The following ZDHHC15 variants were observed in gnomAD, a reference collection of about 807,000 sequenced individuals.
The protein encoded by ZDHHC15 is zDHHC palmitoyltransferase 15.
In ZDHHC15, 19 loss-of-function variants were observed where a neutral mutation model predicts 31.7. That is an observed-to-expected ratio of 0.60 (90% CI 0.42 to 0.88). The LOEUF (loss-of-function observed/expected upper bound fraction) is 0.88. ZDHHC15 is among the 40% of genes least tolerant of loss of function. The probability of loss-of-function intolerance (pLI) is 0.00; values close to 1 mark genes in which losing one functional copy is unlikely to be tolerated. For missense variants in ZDHHC15, 209 were observed against 251.2 expected (o/e 0.83, Z 1.14); for synonymous variants, 103 against 90.0 (o/e 1.14, Z -0.82).
chrX:75,374,628 T>C (rs2083037796), intron 11 of ZDHHC15, among the ~76,000 whole-genome samples: 1 of 108,954 alleles, frequency 9.2e-6, no homozygotes, highest in East Asian at 2.9e-4. Context: ...ACACTTCTGA[T>C]ATCCATTAAT....
intron 9 of ZDHHC15, among the ~76,000 whole-genome samples, chrX:75,421,041 A>G (rs1243825556): frequency 1.8e-5 from 2 of 109,645 alleles, no homozygotes; most frequent in Non-Finnish European, 3.8e-5. Flanking sequence ...TAACCACAAA[A>G]TATATAAAAT....
At chrX:75,446,321 C>T (rs909732910) in intron 4 of ZDHHC15, among the ~76,000 whole-genome samples, 2 of 111,266 alleles carry the variant, frequency 1.8e-5, no homozygotes, top group African/African-American at 6.5e-5. Flanking sequence ...GATGGAAATG[C>T]TGGACCTGCC....
At chrX:75,522,277 G>C (rs761296994) in intron 1 of ZDHHC15, among the ~76,000 whole-genome samples, 1 of 112,034 alleles carries the variant, frequency 8.9e-6, no homozygotes, top group African/African-American at 3.2e-5. Flanking sequence ...GTAGAATAGG[G>C]TGCACTGTGG....
chrX:75,519,344 G>A lies in ZDHHC15; in HGVS notation c.136+3545C>T, dbSNP rs1376185078. Among the ~76,000 whole-genome samples the A allele has an allele frequency of 2.2e-4, 24 of 111,291 alleles. No homozygotes were observed. In the Admixed American group the frequency reaches 2.3e-3, roughly 11 times the overall value. ...ATCTAATGAGCTCTTATAATGTGTT[G>A]TGAACTGTGATGCATGCTTTTCAGG... On this transcript the variant is annotated intron_variant, in intron 1 of 11. Coordinates refer to ENST00000373367, the MANE Select transcript of ZDHHC15 (RefSeq NM_144969.3).
chrX:75,373,340 C>A (rs1259236508), intron 11 of ZDHHC15, among the ~76,000 whole-genome samples: 1 of 111,370 alleles, frequency 9.0e-6, no homozygotes, highest in Non-Finnish European at 1.9e-5. Flanking sequence ...AATTATGAAG[C>A]TGAATTCTAG....
rs762674388 is a variant in ZDHHC15, at chrX:75,473,413, T to A, written c.258+5478A>T. On this transcript the variant is annotated intron_variant, in intron 3 of 11. Coordinates refer to ENST00000373367, the MANE Select transcript of ZDHHC15 (RefSeq NM_144969.3). ...CCCCTAGTGATCCACTAGCAAAATT[T>A]TTGCTTCCTGTTCCCACAACATTAT... 8.1e-5 allele frequency among the ~76,000 whole-genome samples: 9 copies of A among 110,997 alleles called. No individual in the cohort carries two copies. The South Asian group carries it at 3.5e-3, about 43-fold the overall frequency.
At chrX:75,406,400 T>C (rs1255887504) in intron 10 of ZDHHC15, among the ~76,000 whole-genome samples, 2 of 109,828 alleles carry the variant, frequency 1.8e-5, no homozygotes, top group Non-Finnish European at 3.8e-5. Context: ...AGAAGACCAA[T>C]GAAACAAAAA....
chrX:75,490,711 G>C (rs5981364), intron 2 of ZDHHC15, among the ~76,000 whole-genome samples: 8,915 of 110,843 alleles, frequency 0.08, 551 homozygotes, highest in African/African-American at 0.21. Flanking sequence ...TTTCACGTCC[G>C]TTGTAAGTTG....
chrX:75,432,215 TCTTC>T (rs1486155472), intron 4 of ZDHHC15, among the ~76,000 whole-genome samples: 4 of 111,596 alleles, frequency 3.6e-5, no homozygotes, highest in African/African-American at 1.3e-4. Flanking sequence ...TTCCTTCCTT[TCTTC>T]CTTCCTTCCT....
intron 11 of ZDHHC15, among the ~76,000 whole-genome samples, chrX:75,376,805 C>A (rs2083064575): frequency 1.8e-5 from 2 of 111,403 alleles, no homozygotes; most frequent in Non-Finnish European, 3.8e-5. Context: ...TCAAGTTTGT[C>A]TTTTCATTTT....
intron 3 of ZDHHC15, among the ~76,000 whole-genome samples, chrX:75,454,894 C>T (rs1435524957): frequency 2.7e-5 from 3 of 111,785 alleles, no homozygotes; most frequent in African/African-American, 9.8e-5. Context: ...AAGAACATTC[C>T]ATGCTCATGG....
At chrX:75,437,071 T>C (rs1483728895) in intron 4 of ZDHHC15, among the ~76,000 whole-genome samples, 12 of 109,818 alleles carry the variant, frequency 1.1e-4, no homozygotes, top group Middle Eastern at 4.7e-3. Context: ...TTAGTAGAGA[T>C]GGGGTTTCAC....
chrX:75,493,834 T>C (rs2084942039), intron 2 of ZDHHC15, among the ~76,000 whole-genome samples: 1 of 111,695 alleles, frequency 9.0e-6, no homozygotes, highest in Non-Finnish European at 1.9e-5. Context: ...TCATACTGAA[T>C]GGGCAAAAAC....
intron 9 of ZDHHC15, among the ~76,000 whole-genome samples, chrX:75,421,389 TATATATATATTATATATATATA>T (rs1462778605): frequency 2.4e-4 from 1 of 4,173 alleles, no homozygotes; most frequent in African/African-American, 6.2e-4. Flanking sequence ...TATGTGTGTA[TATATATATATTATATATATATA>T]ATATATATAT....
At chrX:75,489,815 C>T (rs186464855) in intron 2 of ZDHHC15, among the ~76,000 whole-genome samples, 1 of 111,617 alleles carries the variant, frequency 9.0e-6, no homozygotes, top group Non-Finnish European at 1.9e-5. Context: ...GAAGTTCGAA[C>T]CCATGGCAAA....
At chrX:75,429,532 C>T (rs2083753687) in intron 6 of ZDHHC15, among the ~76,000 whole-genome samples, 1 of 111,672 alleles carries the variant, frequency 9.0e-6, no homozygotes. Context: ...GTGGCATGTT[C>T]TTTTTGTAGT....
intron 2 of ZDHHC15, among the ~76,000 whole-genome samples, chrX:75,490,082 G>A (rs1183859583): frequency 9.0e-6 from 1 of 111,470 alleles, no homozygotes; most frequent in Non-Finnish European, 1.9e-5. Context: ...AAGAAATATG[G>A]GACTATGTGA....
At chrX:75,442,536 A>G (rs2083957518) in intron 4 of ZDHHC15, among the ~76,000 whole-genome samples, 1 of 111,421 alleles carries the variant, frequency 9.0e-6, no homozygotes, top group Non-Finnish European at 1.9e-5. Context: ...TCATGAGTGA[A>G]CTCCCATTCA....
chrX:75,522,671 A>G (rs1185764324), intron 1 of ZDHHC15, among the ~76,000 whole-genome samples: 1 of 109,731 alleles, frequency 9.1e-6, no homozygotes. Flanking sequence ...GAAATAAGAA[A>G]CCCTAGGTGG....
Sources: allele counts gnomAD v4.1 joint callset (sites outside exome capture counted in the v4.1 genomes callset), GRCh38; gene constraint gnomAD v4.1.1; transcripts MANE v1.5; gene names NCBI Gene and HGNC (gene_info 2026-07-23, HGNC 2026-07-21).